XRCC2: variants seen among roughly 807,000 people sequenced by gnomAD.
The protein encoded by XRCC2 is DNA repair protein XRCC2.
XRCC2 carries 24 observed loss-of-function variants against 27.3 expected under a neutral mutation model. That is an observed-to-expected ratio of 0.88 (90% CI 0.64 to 1.24). XRCC2 has a LOEUF of 1.24. Among genes scored for constraint, XRCC2 ranks in the 50% most tolerant of loss-of-function variants. XRCC2 has a pLI of 0.00. For synonymous variants in XRCC2, 106 were observed against 115.4 expected (o/e 0.92, Z 0.52); for missense variants, 321 against 325.8 (o/e 0.99, Z 0.11).
In XRCC2 at chr7:152,665,534, C is replaced by T. The variant is rs368727370; in HGVS notation, c.40-4752G>A. ...TTAGACAGGGTCTTACTCCCGTCAC[C>T]CAGGTTGGAGTACAATGGCACGATG... On this transcript the variant is annotated intron_variant, in intron 1 of 2. Coordinates refer to ENST00000359321, the MANE Select transcript of XRCC2 (RefSeq NM_005431.2). Among the ~76,000 whole-genome samples the T allele has an allele frequency of 8.3e-4, 112 of 134,262 alleles. 1 individual carries two copies. Among genetic ancestry groups the T allele is most frequent in the African/African-American group, 2.9e-3 (106 of 37,178 alleles). 88.1% of individuals were successfully genotyped at this position (134,262 alleles called of 152,430 possible).
chr7:152,655,929 G>A lies in XRCC2; in HGVS notation c.121+4772C>T, dbSNP rs150602141. On this transcript the variant is annotated intron_variant, in intron 2 of 2. Transcript: ENST00000359321. ...TGGGAGGCTGAGGTTGCAGTGAGCC[G>A]AGATCGAGCTGCACTCCAGCCTGGG... 3.1e-3 allele frequency among the ~76,000 whole-genome samples: 467 copies of A among 151,986 alleles called. 2 individuals are homozygous for A. The highest frequency in any genetic ancestry group is 0.011 in the African/African-American group (438 of 41,446).
rs1183560022 is a variant in XRCC2, at chr7:152,646,666, G to C, written c.*1976C>G. ...TAATTTTTTGTATTTTAATAGAGAT[G>C]GGGTTTCACCGTGTTGCCCAGGCTG... On this transcript the variant is annotated 3_prime_UTR_variant, in exon 3 of 3. Coordinates refer to ENST00000359321, the MANE Select transcript of XRCC2 (RefSeq NM_005431.2). 6.6e-6 allele frequency: 1 copy of C among 152,090 alleles called. No individual in the cohort carries two copies. The highest frequency in any genetic ancestry group is 2.1e-4 in the South Asian group (1 of 4,820). The allele number at this position is 152,090 out of a possible 1,614,324, so 9.4% of individuals were successfully genotyped here.
rs2098026409 is a variant in XRCC2 at position 152,647,263 on chromosome 7, T to G, written c.*1379A>C. 6.6e-6 allele frequency: 1 copy of G among 152,320 alleles called. No individual in the cohort carries two copies. Among genetic ancestry groups the G allele is most frequent in the Non-Finnish European group, 1.5e-5 (1 of 68,022 alleles). 9.4% of individuals were successfully genotyped at this position (152,320 alleles called of 1,614,324 possible). A position where few individuals can be genotyped will look rare whatever the true frequency, so the allele number is the denominator to read the frequency against. ...TTTTTAATGGGGTGGTTTTTTCTTCTAAATTTGTTTAAATTACGTATAGAT... is the reference window on the plus strand; with the variant it reads ...TTTTTAATGGGGTGGTTTTTTCTTCGAAATTTGTTTAAATTACGTATAGAT... On this transcript the variant is annotated 3_prime_UTR_variant, in exon 3 of 3. Coordinates refer to ENST00000359321, the MANE Select transcript of XRCC2 (RefSeq NM_005431.2).
At chr7:152,656,124 G>C (rs1233703023) in intron 2 of XRCC2, among the ~76,000 whole-genome samples, 1 of 152,210 alleles carries the variant, frequency 6.6e-6, no homozygotes, top group Non-Finnish European at 1.5e-5. Context: ...CCTAGGTGAT[G>C]GGTTGATAGG....
At chr7:152,670,993 TC>T (rs2098037940) in intron 1 of XRCC2, among the ~76,000 whole-genome samples, 1 of 152,134 alleles carries the variant, frequency 6.6e-6, no homozygotes, top group Non-Finnish European at 1.5e-5. Context: ...GGCGGGCAGA[TC>T]ACCTGAGGTC....
At chr7:152,674,280 A>G (rs1415368901) in intron 1 of XRCC2, among the ~76,000 whole-genome samples, 8 of 152,130 alleles carry the variant, frequency 5.3e-5, no homozygotes, top group Non-Finnish European at 1.0e-4. Flanking sequence ...TCTGATTGCA[A>G]AAATCATCGG....
At position 152,670,303 on chromosome 7, in the gene XRCC2, G is replaced by T. The variant is rs963796107; in HGVS notation, c.39+5738C>A. ...GGATATAAACATTTAAAAGGAAAGAGATCAATATTGGCTTTGTTACCAATT... is the reference window on the plus strand; with the variant it reads ...GGATATAAACATTTAAAAGGAAAGATATCAATATTGGCTTTGTTACCAATT... On this transcript the variant is annotated intron_variant, in intron 1 of 2. Transcript: ENST00000359321. 3.9e-5 allele frequency among the ~76,000 whole-genome samples: 6 copies of T among 152,280 alleles called. No homozygotes were observed. In the South Asian group the frequency reaches 1.2e-3, roughly 32 times the overall value.
intron 2 of XRCC2, among the ~76,000 whole-genome samples, chr7:152,659,455 G>A (rs2098032124): frequency 6.6e-6 from 1 of 152,174 alleles, no homozygotes; most frequent in Non-Finnish European, 1.5e-5. Flanking sequence ...ACAGGTGTGA[G>A]CCACTGCGCT....
chr7:152,667,108 C>T (rs1351290649), intron 1 of XRCC2, among the ~76,000 whole-genome samples: 1 of 151,928 alleles, frequency 6.6e-6, no homozygotes, highest in African/African-American at 2.4e-5. Flanking sequence ...CAAAATAGTA[C>T]TCAAGAAAGT....
In XRCC2 at chr7:152,648,625, C is replaced by CTAT. The variant is rs760494561; in HGVS notation, c.*14_*16dup. 5 of 1,568,290 alleles carry CTAT rather than the reference C, an allele frequency of 3.2e-6. No individual in the cohort carries two copies. The Admixed American group carries it at 9.2e-5, about 29-fold the overall frequency. On this transcript the variant is annotated 3_prime_UTR_variant, in exon 3 of 3. Coordinates refer to ENST00000359321, the MANE Select transcript of XRCC2 (RefSeq NM_005431.2). ...GGCTTGCGTAGTACCCTGCAAAAGA[C>CTAT]TATTTTATGATGTATATCAACAAAA...
At chr7:152,666,415 T>C (rs2098035679) in intron 1 of XRCC2, among the ~76,000 whole-genome samples, 1 of 152,070 alleles carries the variant, frequency 6.6e-6, no homozygotes, top group Non-Finnish European at 1.5e-5. Flanking sequence ...TCTCCCTATG[T>C]TGTCCAGGCT....
chr7:152,666,577 C>A (rs181709775), intron 1 of XRCC2, among the ~76,000 whole-genome samples: 1 of 150,964 alleles, frequency 6.6e-6, no homozygotes, highest in Admixed American at 6.6e-5. Flanking sequence ...CACTGGGCTA[C>A]AAGACTGAAA....
intron 1 of XRCC2, among the ~76,000 whole-genome samples, chr7:152,671,868 C>T (rs1208623949): frequency 2.6e-5 from 4 of 152,012 alleles, no homozygotes; most frequent in African/African-American, 9.7e-5. Context: ...TGGCGAAACC[C>T]CATCACTACA....
intron 2 of XRCC2, among the ~76,000 whole-genome samples, chr7:152,654,782 A>G (rs927414813): frequency 1.3e-5 from 2 of 152,224 alleles, no homozygotes; most frequent in Non-Finnish European, 2.9e-5. Context: ...TTTACACATT[A>G]ATAGCAAAGC....
intron 2 of XRCC2, among the ~76,000 whole-genome samples, chr7:152,658,297 C>T (rs569344639): frequency 6.6e-6 from 1 of 152,170 alleles, no homozygotes; most frequent in East Asian, 1.9e-4. Context: ...ACTGCAGGCG[C>T]CTGCCACCAC....
intron 2 of XRCC2, among the ~76,000 whole-genome samples, chr7:152,657,466 A>C (rs2098031177): frequency 6.6e-6 from 1 of 151,612 alleles, no homozygotes; most frequent in Non-Finnish European, 1.5e-5. Flanking sequence ...TGCCCAGCTA[A>C]TTTTTGTAGA....
At position 152,648,807 on chromosome 7, in the gene XRCC2, A is replaced by G. The variant is rs143357617; in HGVS notation, c.678T>C (p.Tyr226=). Residue 226 remains tyrosine, a synonymous_variant, in exon 3 of 3, where the codon TAT becomes TAC. Transcript: ENST00000359321. ...CCAGTTGCTGCCATGCCTTACAGAG[A>G]TAAGGTCTGTAGTCTATGTCCACAT... is the stretch of plus-strand genomic sequence containing the variant. ...LCDVDIDYRP[Y]LCKAWQQLVK... 58 of 1,614,042 alleles carry G rather than the reference A, an allele frequency of 3.6e-5. 1 individual carries two copies. The African/African-American group carries it at 7.3e-4, about 20-fold the overall frequency.
intron 1 of XRCC2, among the ~76,000 whole-genome samples, chr7:152,663,307 G>A (rs1158097258): frequency 9.1e-6 from 1 of 109,522 alleles, no homozygotes; most frequent in African/African-American, 3.3e-5. Flanking sequence ...CTGCACTCAG[G>A]CAGAACAAAA....
At chr7:152,658,309 C>A (rs916631346) in intron 2 of XRCC2, among the ~76,000 whole-genome samples, 3 of 152,106 alleles carry the variant, frequency 2.0e-5, no homozygotes, top group Non-Finnish European at 4.4e-5. Context: ...TGCCACCACG[C>A]CTGGCTAATT....
Sources: allele counts gnomAD v4.1 joint callset (sites outside exome capture counted in the v4.1 genomes callset), GRCh38; gene constraint gnomAD v4.1.1; transcripts MANE v1.5; gene names NCBI Gene and HGNC (gene_info 2026-07-23, HGNC 2026-07-21).